The following IFRD1 variants were observed in gnomAD, a reference collection of about 807,000 sequenced individuals.
IFRD1 encodes the protein interferon related developmental regulator 1.
IFRD1 carries 35 observed loss-of-function variants against 52.9 expected under a neutral mutation model. That is an observed-to-expected ratio of 0.66 (90% CI 0.51 to 0.88). The LOEUF is 0.88. Among genes scored for constraint, IFRD1 ranks in the 40% least tolerant of loss-of-function variants. IFRD1 has a pLI of 0.00. For synonymous variants in IFRD1, 184 were observed against 188.4 expected (o/e 0.98, Z 0.19); for missense variants, 517 against 550.8 (o/e 0.94, Z 0.61).
chr7:112,449,838 G>T (rs1584483161), upstream of IFRD1, among the ~76,000 whole-genome samples: 3 of 100,316 alleles, frequency 3.0e-5, no homozygotes, highest in African/African-American at 1.0e-4. Context: ...GGGGGGGGGG[G>T]GGATGGGGGG....
chr7:112,469,085 T>C (rs1286581545), intron 9 of IFRD1, among the ~76,000 whole-genome samples: 1 of 152,220 alleles, frequency 6.6e-6, no homozygotes, highest in Non-Finnish European at 1.5e-5. Flanking sequence ...GTAGGCCAGG[T>C]AAATATTTCT....
chr7:112,427,490 T>C (rs1296635248), intron 1 of IFRD1, among the ~76,000 whole-genome samples: 1 of 152,246 alleles, frequency 6.6e-6, no homozygotes, highest in Non-Finnish European at 1.5e-5. Context: ...TATTTTGTGG[T>C]CTTTTTGTCT....
chr7:112,467,766 T>G (rs554191371), intron 8 of IFRD1: 72 of 539,022 alleles, frequency 1.3e-4, no homozygotes, highest in South Asian at 1.0e-3. Flanking sequence ...GTTAATTGTT[T>G]TGCTGTAGTA....
intron 4 of IFRD1, chr7:112,457,495 T>C (rs549579782): frequency 4.1e-5 from 7 of 171,488 alleles, no homozygotes; most frequent in Non-Finnish European, 8.7e-5. Flanking sequence ...GATAGAACTT[T>C]TAAGACCAAA....
chr7:112,463,337 A>G (rs17159684), intron 8 of IFRD1, among the ~76,000 whole-genome samples: 24,908 of 152,158 alleles, frequency 0.16, 2,194 homozygotes, highest in South Asian at 0.31. Flanking sequence ...ACTTTTTTGC[A>G]TTTAAAGAAG....
chr7:112,435,575 A>C (rs975766384), intron 1 of IFRD1: 1 of 148,922 alleles, frequency 6.7e-6, no homozygotes, highest in African/African-American at 2.5e-5. Context: ...GAGGAGACTG[A>C]CTTGGATTTT....
intron 1 of IFRD1, among the ~76,000 whole-genome samples, chr7:112,454,401 C>A (rs952950104): frequency 1.3e-5 from 2 of 152,072 alleles, no homozygotes; most frequent in Non-Finnish European, 2.9e-5. Flanking sequence ...CCATGTTGGC[C>A]AGGCTGGTCT....
At chr7:112,456,549 A>T (rs938983283) in intron 3 of IFRD1, among the ~76,000 whole-genome samples, 1 of 151,994 alleles carries the variant, frequency 6.6e-6, no homozygotes, top group Non-Finnish European at 1.5e-5. Flanking sequence ...AGCCCTGAAG[A>T]TGCAATTCTA....
chr7:112,435,698 T>C (rs905166744), intron 1 of IFRD1: 1 of 129,440 alleles, frequency 7.7e-6, no homozygotes, highest in Non-Finnish European at 1.7e-5. Flanking sequence ...TGCAACCCCA[T>C]ACATGAGCTC....
At chr7:112,446,242 C>T (rs1795029127), upstream of IFRD1, 1 of 208,664 alleles carries the variant, frequency 4.8e-6, no homozygotes, top group Non-Finnish European at 1.0e-5. Flanking sequence ...CATAAACGCT[C>T]CAGTACCACA....
intron 1 of IFRD1, among the ~76,000 whole-genome samples, chr7:112,453,415 G>A (rs1795213660): frequency 6.6e-6 from 1 of 152,040 alleles, no homozygotes; most frequent in African/African-American, 2.4e-5. Context: ...TAAATATCAG[G>A]CATTCATACA....
chr7:112,461,852 A>ATAT lies in IFRD1; in HGVS notation c.568-13_568-12insATT. The ATAT allele has an allele frequency of 4.2e-6, 5 of 1,186,968 alleles. No homozygotes were observed. The highest frequency in any genetic ancestry group is 6.0e-6 in the Non-Finnish European group (5 of 833,380). 73.5% of individuals were successfully genotyped at this position (1,186,968 alleles called of 1,614,324 possible). The stretch of plus-strand genomic sequence containing the variant: ...AAATCATTAATGTCTATATATATAT[A>ATAT]TTTTTTTTTTTAGTGTGCAACTTGC... On this transcript the variant is annotated splice_polypyrimidine_tract_variant and intron_variant, in intron 5 of 11. Transcript: ENST00000403825.
chr7:112,467,746 G>A (rs1795646228), intron 8 of IFRD1: 1 of 489,284 alleles, frequency 2.0e-6, no homozygotes, highest in African/African-American at 2.0e-5. Flanking sequence ...CATTTACTTG[G>A]AAGGGAAATG....
At chr7:112,434,248 T>C (rs1794618635) in intron 1 of IFRD1, among the ~76,000 whole-genome samples, 1 of 152,170 alleles carries the variant, frequency 6.6e-6, no homozygotes, top group Non-Finnish European at 1.5e-5. Context: ...CTGTGTATAG[T>C]TCTTTATTTT....
intron 9 of IFRD1, among the ~76,000 whole-genome samples, chr7:112,471,976 G>C (rs939951532): frequency 1.3e-5 from 2 of 152,080 alleles, no homozygotes; most frequent in Non-Finnish European, 2.9e-5. Context: ...CAACAATGTG[G>C]TTTTTGCCTT....
At position 112,455,592 on chromosome 7, in the gene IFRD1, C is replaced by T. The variant is rs562911212; in HGVS notation, c.95-171C>T. Among the ~76,000 whole-genome samples the T allele has an allele frequency of 8.5e-5, 13 of 152,244 alleles. No homozygotes were observed. The South Asian group carries it at 2.7e-3, about 32-fold the overall frequency. ...CCTTTGAAATACGTAATTAGGTGAA[C>T]TTAGTTTAAGAATATTTAAGTATGT... On this transcript the variant is annotated intron_variant, in intron 1 of 11. Transcript: ENST00000403825.
chr7:112,430,733 C>T (rs1459125151), intron 1 of IFRD1, among the ~76,000 whole-genome samples: 1 of 152,196 alleles, frequency 6.6e-6, no homozygotes, highest in East Asian at 1.9e-4. Flanking sequence ...CTTTCTATCT[C>T]TGTTCATTTT....
chr7:112,436,293 C>A (rs10274824), intron 1 of IFRD1, among the ~76,000 whole-genome samples: 2 of 152,098 alleles, frequency 1.3e-5, no homozygotes, highest in Non-Finnish European at 2.9e-5. Context: ...TCAAGGAACA[C>A]GTTTTAACTA....
At chr7:112,474,133 T>A (rs1160849009) in intron 11 of IFRD1, among the ~76,000 whole-genome samples, 3 of 152,218 alleles carry the variant, frequency 2.0e-5, no homozygotes, top group African/African-American at 7.2e-5. Context: ...TCACATTTTG[T>A]TTATCCATTT....
Sources: allele counts gnomAD v4.1 joint callset (sites outside exome capture counted in the v4.1 genomes callset), GRCh38; gene constraint gnomAD v4.1.1; transcripts MANE v1.5; gene names NCBI Gene and HGNC (gene_info 2026-07-23, HGNC 2026-07-21).